The following VPS13D variants were observed in gnomAD, a reference collection of about 807,000 sequenced individuals.
VPS13D encodes the protein vacuolar protein sorting 13 homolog D, also known as intermembrane lipid transfer protein VPS13D.
In VPS13D, 187 loss-of-function variants were observed where a neutral mutation model predicts 461.9. The observed-to-expected ratio is 0.40, with a 90% CI of 0.36 to 0.46. VPS13D has a LOEUF of 0.46. Ranked by LOEUF, VPS13D falls within the 20% of genes least tolerant of loss-of-function variation. The probability of loss-of-function intolerance (pLI) is 0.60; values close to 1 mark genes in which losing one functional copy is unlikely to be tolerated. For missense variants in VPS13D, 4,711 were observed against 5,364.9 expected (o/e 0.88, Z 3.81); for synonymous variants, 1,951 against 1,986.3 (o/e 0.98, Z 0.47).
intron 67 of VPS13D, among the ~76,000 whole-genome samples, chr1:12,491,262 C>T (rs575424816): frequency 2.6e-5 from 4 of 152,320 alleles, no homozygotes; most frequent in Non-Finnish European, 4.4e-5. Flanking sequence ...ATGATGCTAA[C>T]GTCACATGTG....
chr1:12,416,931 G>T (rs1644801111), intron 65 of VPS13D, 104 bp downstream of exon 65: 3 of 1,303,930 alleles, frequency 2.3e-6, no homozygotes, highest in East Asian at 2.6e-5. Context: ...TATATTCATG[G>T]CTTTTGCTTC....
At chr1:12,275,581 A>G (rs755093739) in intron 18 of VPS13D, among the ~76,000 whole-genome samples, 2 of 152,182 alleles carry the variant, frequency 1.3e-5, no homozygotes, top group Non-Finnish European at 2.9e-5. Context: ...GGTGGCGCTC[A>G]TGTCAGGGGG....
At chr1:12,251,694 C>T (rs1640737921) in intron 6 of VPS13D, among the ~76,000 whole-genome samples, 1 of 152,166 alleles carries the variant, frequency 6.6e-6, no homozygotes, top group African/African-American at 2.4e-5. Flanking sequence ...CCCTACTTTA[C>T]ACTGTCACCA....
intron 65 of VPS13D, among the ~76,000 whole-genome samples, chr1:12,437,076 G>C (rs1645071860): frequency 2.0e-5 from 3 of 152,166 alleles, no homozygotes; most frequent in Middle Eastern, 6.8e-3. Context: ...GGCGGCGGGA[G>C]GGGGGTACCC....
intron 63 of VPS13D, among the ~76,000 whole-genome samples, chr1:12,413,567 G>A (rs1644757619): frequency 6.6e-6 from 1 of 152,154 alleles, no homozygotes; most frequent in Admixed American, 6.5e-5. Flanking sequence ...GACCTTCAAA[G>A]TCCAAGTGAT....
intron 67 of VPS13D, among the ~76,000 whole-genome samples, chr1:12,470,016 T>C (rs1473038542): frequency 6.6e-6 from 1 of 152,228 alleles, no homozygotes; most frequent in Non-Finnish European, 1.5e-5. Context: ...CCACAGTATT[T>C]GGATAAGCTC....
At chr1:12,252,874 C>A (rs893290935) in intron 6 of VPS13D, among the ~76,000 whole-genome samples, 1 of 149,794 alleles carries the variant, frequency 6.7e-6, no homozygotes, top group Non-Finnish European at 1.5e-5. Flanking sequence ...AAAAAAAATT[C>A]AGGACTGGGC....
intron 2 of VPS13D, among the ~76,000 whole-genome samples, chr1:12,239,616 C>T (rs1372181194): frequency 6.6e-6 from 1 of 152,176 alleles, no homozygotes; most frequent in Non-Finnish European, 1.5e-5. Flanking sequence ...GCCTGGGGGC[C>T]TATCGTATAT....
chr1:12,260,647 C>A, intron 10 of VPS13D, 46 bp from the exon 11 acceptor site: 1 of 1,552,514 alleles, frequency 6.4e-7, no homozygotes, highest in Non-Finnish European at 8.9e-7. Flanking sequence ...TCTGGATCTA[C>A]AACGTTTGTG....
At chr1:12,421,227 TG>T (rs1644859548) in intron 65 of VPS13D, among the ~76,000 whole-genome samples, 1 of 152,238 alleles carries the variant, frequency 6.6e-6, no homozygotes, top group Admixed American at 6.5e-5. Flanking sequence ...ATGACTCCCC[TG>T]CCTGGGTCTT....
chr1:12,337,211 TA>T (rs1277368509), intron 39 of VPS13D: 1 of 152,234 alleles, frequency 6.6e-6, no homozygotes, highest in Admixed American at 6.5e-5. Context: ...TCTATCTTTT[TA>T]ATAAGACATA....
intron 65 of VPS13D, among the ~76,000 whole-genome samples, chr1:12,429,720 T>G (rs970794971): frequency 6.6e-6 from 1 of 152,174 alleles, no homozygotes; most frequent in Non-Finnish European, 1.5e-5. Flanking sequence ...TCCTATTTCT[T>G]CTCCTCCCTT....
chr1:12,319,705 C>A, intron 32 of VPS13D, 75 bp downstream of exon 32: 1 of 1,598,196 alleles, frequency 6.3e-7, no homozygotes, highest in East Asian at 2.2e-5. Context: ...AATTTTCCCT[C>A]TTAAACTTTC....
intron 55 of VPS13D, among the ~76,000 whole-genome samples, chr1:12,375,664 C>G (rs971019166): frequency 1.3e-5 from 2 of 152,204 alleles, no homozygotes; most frequent in Admixed American, 6.5e-5. Flanking sequence ...ACTGGGCAGC[C>G]CTGCCCTCTT....
At position 12,348,885 on chromosome 1, in the gene VPS13D, A is replaced by G. The variant is rs749686808; in HGVS notation, c.9132A>G (p.Lys3044=). The change falls in exon 45 of 70, where the codon AAA becomes AAG. Residue 3044 remains lysine (K), a synonymous_variant. Coordinates refer to ENST00000620676, the MANE Select transcript of VPS13D (RefSeq NM_015378.4). ...FAVTMEGSAR[K]VITVRSALIV... ...TGACTATGGAAGGCAGTGCACGGAA[A>G]GTCATCACTGTCCGGTCAGCCCTCA... 2 of 1,614,118 alleles carry G rather than the reference A, an allele frequency of 1.2e-6. No individual in the cohort carries two copies. Among genetic ancestry groups the G allele is most frequent in the South Asian group, 1.1e-5 (1 of 91,090 alleles).
intron 17 of VPS13D, among the ~76,000 whole-genome samples, 183 bp from the exon 18 acceptor site, chr1:12,272,820 C>T (rs1187705667): frequency 3.9e-5 from 6 of 152,040 alleles, no homozygotes; most frequent in Non-Finnish European, 5.9e-5. Flanking sequence ...AGATACTTGT[C>T]TGTGGTAATT....
At chr1:12,414,725 C>T (rs541346021) in intron 63 of VPS13D, among the ~76,000 whole-genome samples, 1 of 152,262 alleles carries the variant, frequency 6.6e-6, no homozygotes, top group East Asian at 1.9e-4. Flanking sequence ...TGGGAAAAAT[C>T]ATTTGGGTTT....
intron 50 of VPS13D, among the ~76,000 whole-genome samples, chr1:12,358,932 A>G (rs188220180): frequency 1.3e-4 from 20 of 152,294 alleles, no homozygotes; most frequent in African/African-American, 3.1e-4. Flanking sequence ...TCATCCTCCA[A>G]GTATTCCCAC....
rs754156147 is a variant in VPS13D, at chr1:12,277,223, A to G, written c.3635A>G (p.Asp1212Gly). 9 of 1,614,238 alleles carry G rather than the reference A, an allele frequency of 5.6e-6. No individual in the cohort carries two copies. The East Asian group carries it at 1.8e-4, about 32-fold the overall frequency. The change falls in exon 19 of 70, where the codon GAC becomes GGC. Residue 1212 changes from aspartate (D) to glycine (G), a missense_variant. Physicochemically the swap from Asp to Gly is moderately conservative, Grantham distance 94 (BLOSUM62 -1). Transcript: ENST00000620676. The part of the protein sequence containing the change: ...KVNVSMGSTF[D>G]MNGSLGCLQL... Reference sequence around the variant, plus strand: ...AATGTCTCAATGGGTAGCACGTTTGACATGAATGGTTCTCTTGGCTGTTTA... The same window carrying G: ...AATGTCTCAATGGGTAGCACGTTTGGCATGAATGGTTCTCTTGGCTGTTTA...
Sources: allele counts gnomAD v4.1 joint callset (sites outside exome capture counted in the v4.1 genomes callset), GRCh38; gene constraint gnomAD v4.1.1; transcripts MANE v1.5; gene names NCBI Gene and HGNC (gene_info 2026-07-23, HGNC 2026-07-21).